The following STAB2 variants were observed in gnomAD, a reference collection of about 807,000 sequenced individuals.
STAB2 encodes the protein stabilin 2.
A neutral mutation model predicts 338.1 loss-of-function variants in STAB2; 288 were observed. The ratio of observed to expected loss-of-function variants is 0.85; its 90% CI spans 0.77 to 0.94. The LOEUF (loss-of-function observed/expected upper bound fraction) is 0.94, where lower values mean the gene tolerates loss of function less well. Ranked by LOEUF, STAB2 falls within the 40% of genes least tolerant of loss-of-function variation. The pLI is 0.00. For missense variants in STAB2, 3,141 were observed against 3,210.1 expected (o/e 0.98, Z 0.52); for synonymous variants, 1,202 against 1,193.3 (o/e 1.01, Z -0.15).
At chr12:103,755,906 CT>C (rs1241201127) in intron 63 of STAB2, among the ~76,000 whole-genome samples, 188 bp downstream of exon 63, 1 of 152,164 alleles carries the variant, frequency 6.6e-6, no homozygotes, top group African/African-American at 2.4e-5. Context: ...TTACTTTCCT[CT>C]CTGGGACTCA....
At chr12:103,588,747 C>G (rs1956751580) in intron 1 of STAB2, among the ~76,000 whole-genome samples, 1 of 152,104 alleles carries the variant, frequency 6.6e-6, no homozygotes, top group Non-Finnish European at 1.5e-5. Flanking sequence ...ACCCCACATA[C>G]TTATCCAAAT....
At chr12:103,729,231 G>T (rs1881451256) in intron 48 of STAB2, among the ~76,000 whole-genome samples, 1 of 152,150 alleles carries the variant, frequency 6.6e-6, no homozygotes, top group Non-Finnish European at 1.5e-5. Context: ...AGAGGATCAT[G>T]AAAAATAACT....
At chr12:103,612,204 T>G (rs1957135455) in intron 3 of STAB2, among the ~76,000 whole-genome samples, 2 of 152,270 alleles carry the variant, frequency 1.3e-5, no homozygotes, top group Non-Finnish European at 2.9e-5. Context: ...TGGCATTCTC[T>G]GTATTTCCTG....
intron 22 of STAB2, among the ~76,000 whole-genome samples, chr12:103,672,300 G>T (rs576374703): frequency 1.3e-5 from 2 of 152,200 alleles, no homozygotes; most frequent in Admixed American, 1.3e-4. Context: ...TTTCATATTA[G>T]AGGAAGAAAA....
At chr12:103,658,165 G>C (rs551797604) in intron 15 of STAB2, among the ~76,000 whole-genome samples, 2 of 152,342 alleles carry the variant, frequency 1.3e-5, no homozygotes, top group African/African-American at 4.8e-5. Flanking sequence ...TGGGGAAAGG[G>C]ACGTGAATTT....
chr12:103,674,027 G>C lies in STAB2; in HGVS notation c.2492G>C (p.Gly831Ala), dbSNP rs1876092308. The C allele has an allele frequency of 6.2e-7, 1 of 1,613,936 alleles. No individual in the cohort carries two copies. Among genetic ancestry groups the C allele is most frequent in the Non-Finnish European group, 8.5e-7 (1 of 1,180,004 alleles). Residue 831 changes from glycine (G) to alanine (A), a missense_variant, in exon 23 of 69, where the codon GGG (glycine) becomes GCG (alanine). Gly to Ala is a moderately conservative substitution (Grantham distance 60). Coordinates refer to ENST00000388887, the MANE Select transcript of STAB2 (RefSeq NM_017564.10). ...TGTGATAAGCAGACCTCAGCCTGTGGGCCCTACGTGCAGTTCTGTCACATC... is the reference window on the plus strand; with the variant it reads ...TGTGATAAGCAGACCTCAGCCTGTGCGCCCTACGTGCAGTTCTGTCACATC... ...RLCDKQTSAC[G>A]PYVQFCHIHA...
chr12:103,678,861 G>A (rs191663971), intron 25 of STAB2, among the ~76,000 whole-genome samples: 17 of 152,094 alleles, frequency 1.1e-4, no homozygotes, highest in African/African-American at 4.1e-4. Context: ...TATCCAAGAA[G>A]TTTTTAGGGC....
At chr12:103,664,142 G>GT (rs1874869493) in intron 18 of STAB2, among the ~76,000 whole-genome samples, 1 of 147,248 alleles carries the variant, frequency 6.8e-6, no homozygotes, top group Non-Finnish European at 1.5e-5. Flanking sequence ...TTGTTTGTTT[G>GT]TTTTGTTTTA....
chr12:103,669,240 T>C (rs1270397260), intron 20 of STAB2: 3 of 351,966 alleles, frequency 8.5e-6, no homozygotes, highest in East Asian at 5.3e-5. Context: ...TGTTTTACTG[T>C]TTTTAAAATT....
At chr12:103,757,020 T>A (rs1164441416) in intron 63 of STAB2, among the ~76,000 whole-genome samples, 7 of 128,874 alleles carry the variant, frequency 5.4e-5, no homozygotes, top group African/African-American at 1.1e-4. Flanking sequence ...TATATATATA[T>A]ATATATATAT....
intron 27 of STAB2, among the ~76,000 whole-genome samples, chr12:103,687,966 G>A (rs1023579083): frequency 6.6e-6 from 1 of 152,238 alleles, no homozygotes; most frequent in African/African-American, 2.4e-5. Flanking sequence ...TGAAAGAAAT[G>A]TGCGGTTCTG....
chr12:103,705,961 A>AC (rs1214365114), intron 37 of STAB2, among the ~76,000 whole-genome samples: 4 of 152,230 alleles, frequency 2.6e-5, no homozygotes, highest in Non-Finnish European at 5.9e-5. Flanking sequence ...GATGAAAAAA[A>AC]CTGAGAGTCC....
At chr12:103,743,812 G>A (rs201769467) in intron 56 of STAB2, among the ~76,000 whole-genome samples, 1 of 152,216 alleles carries the variant, frequency 6.6e-6, no homozygotes. Context: ...AGAACAGCAA[G>A]AAGACCAGGG....
intron 47 of STAB2, 92 bp downstream of exon 47, chr12:103,727,442 A>C: frequency 7.1e-7 from 1 of 1,415,208 alleles, no homozygotes; most frequent in East Asian, 2.3e-5. Context: ...AGATGTTTCT[A>C]AGCAGGAGCT....
At position 103,631,883 on chromosome 12, in the gene STAB2, G is replaced by A. The variant is rs184515881; in HGVS notation, c.583+190G>A. On this transcript the variant is annotated intron_variant, in intron 6 of 68. Transcript: ENST00000388887. ...AGAAGAGGAGGGAAAGGGAGGAGGA[G>A]GAAGAGAGAGAACAGAAGCAATGTG... 7.0e-3 allele frequency among the ~76,000 whole-genome samples: 1,068 copies of A among 152,252 alleles called. 7 individuals carry two copies. The highest frequency in any genetic ancestry group is 0.02 in the Middle Eastern group (6 of 294).
At chr12:103,645,094 A>G (rs1182010600) in intron 9 of STAB2, among the ~76,000 whole-genome samples, 1 of 152,236 alleles carries the variant, frequency 6.6e-6, no homozygotes, top group Non-Finnish European at 1.5e-5. Flanking sequence ...GACACCCTAT[A>G]TACTAACTAA....
intron 31 of STAB2, among the ~76,000 whole-genome samples, chr12:103,695,271 G>A (rs2138929092): frequency 6.6e-6 from 1 of 152,326 alleles, no homozygotes; most frequent in South Asian, 2.1e-4. Context: ...TAATTACTTA[G>A]GAGAAGCTGA....
At chr12:103,617,386 C>T (rs1421746513) in intron 3 of STAB2, among the ~76,000 whole-genome samples, 1 of 152,132 alleles carries the variant, frequency 6.6e-6, no homozygotes, top group Non-Finnish European at 1.5e-5. Flanking sequence ...AAAAACAAAA[C>T]CTAAAGAAGA....
At chr12:103,766,221 A>C in intron 68 of STAB2, 65 bp from the exon 69 acceptor site, 1 of 1,604,468 alleles carries the variant, frequency 6.2e-7, no homozygotes, top group African/African-American at 1.3e-5. Context: ...AGTGGCCACC[A>C]GAAAGATTCA....
Sources: gnomAD v4.1 joint callset for allele counts (sites outside exome capture counted in the v4.1 genomes callset) on GRCh38, gnomAD v4.1.1 for gene constraint, MANE v1.5 for transcripts, NCBI Gene and HGNC (gene_info 2026-07-23, HGNC 2026-07-21) for gene names.